The following RBFOX1 variants were observed in gnomAD, a reference collection of about 807,000 sequenced individuals.
The protein encoded by RBFOX1 is RNA binding fox-1 homolog 1.
In RBFOX1, 8 loss-of-function variants were observed where a neutral mutation model predicts 57.7. The ratio of observed to expected loss-of-function variants is 0.14; its 90% confidence interval spans 0.08 to 0.25. The LOEUF (loss-of-function observed/expected upper bound fraction) is 0.25. Ranked by LOEUF, RBFOX1 falls within the 10% of genes least tolerant of loss-of-function variation. The probability of loss-of-function intolerance (pLI) is 1.00; values close to 1 mark genes in which losing one functional copy is unlikely to be tolerated. For synonymous variants in RBFOX1, 326 were observed against 222.4 expected (o/e 1.47, Z -4.15); for missense variants, 611 against 548.5 (o/e 1.11, Z -1.14).
At chr16:7,300,899 G>C (rs2096014318) in intron 4 of RBFOX1, among the ~76,000 whole-genome samples, 1 of 152,180 alleles carries the variant, frequency 6.6e-6, no homozygotes, top group Non-Finnish European at 1.5e-5. Context: ...AAGGGTCCTT[G>C]TAGCTGAAAT....
chr16:6,625,157 TA>T (rs34634402), intron 2 of RBFOX1, among the ~76,000 whole-genome samples: 1,542 of 56,216 alleles, frequency 0.027, 20 homozygotes, highest in African/African-American at 0.087. Context: ...CAACCCTATC[TA>T]AAAAAAAAAA....
rs141928780 is a variant in RBFOX1 at position 5,947,614 on chromosome 16, T to G, written c.351+80279T>G. Among the ~76,000 whole-genome samples, 283 of 152,336 alleles carry G rather than the reference T, an allele frequency of 1.9e-3. 2 individuals carry two copies. The highest frequency in any genetic ancestry group is 3.3e-3 in the Admixed American group (50 of 15,296). The stretch of plus-strand genomic sequence containing the variant: ...CTGGGATTACATGCATGATCCACCA[T>G]GTCTTGACCCTTCGATTTTAGGTAT... On this transcript the variant is annotated intron_variant, in intron 4 of 19. Coordinates refer to the RBFOX1 transcript ENST00000641259. This position sits in a 1 kb window ranked among gnomAD's most constrained non-coding sequence, Gnocchi z 7.2.
chr16:7,062,074 T>C (rs551214177), intron 4 of RBFOX1, among the ~76,000 whole-genome samples: 1 of 151,764 alleles, frequency 6.6e-6, no homozygotes, highest in East Asian at 2.0e-4. Context: ...TCCCAGCACT[T>C]TGGGAGGCTG....
chr16:7,452,293 G>A (rs537516874), intron 4 of RBFOX1, among the ~76,000 whole-genome samples: 164 of 152,312 alleles, frequency 1.1e-3, no homozygotes, highest in Non-Finnish European at 1.8e-3. Flanking sequence ...CAATTTCCAT[G>A]AAAAATACAT....
At chr16:5,246,156 C>G (rs1160008249) in intron 1 of RBFOX1, among the ~76,000 whole-genome samples, 2 of 151,776 alleles carry the variant, frequency 1.3e-5, no homozygotes, top group South Asian at 4.1e-4. Flanking sequence ...GCAGGAGAAT[C>G]ATTTGAACCT....
chr16:5,247,590 G>T (rs2062334464), intron 1 of RBFOX1, among the ~76,000 whole-genome samples: 2 of 152,192 alleles, frequency 1.3e-5, no homozygotes, highest in African/African-American at 2.4e-5. Context: ...ACAGCCCCCT[G>T]CCTGTTCATA....
chr16:6,982,908 A>C (rs1332185449), intron 3 of RBFOX1, among the ~76,000 whole-genome samples: 1 of 150,092 alleles, frequency 6.7e-6, no homozygotes, highest in Non-Finnish European at 1.5e-5. Flanking sequence ...CAGGGAGAAC[A>C]ACTTGAACCC....
In RBFOX1 at chr16:6,944,591, C is replaced by G. The variant is rs186843537; in HGVS notation, c.-15-107466C>G. Among the ~76,000 whole-genome samples, 37 of 152,058 alleles carry G rather than the reference C, an allele frequency of 2.4e-4. 1 individual carries two copies. The highest frequency in any genetic ancestry group is 8.9e-4 in the African/African-American group (37 of 41,480). ...ATGTGTACATTAAGAGACTGGGTCT[C>G]GTAGATCTCAGGTGGAATCTTCAGC... On this transcript the variant is annotated intron_variant, in intron 3 of 15. Coordinates refer to ENST00000550418, the MANE Select transcript of RBFOX1 (RefSeq NM_018723.4).
intron 4 of RBFOX1, among the ~76,000 whole-genome samples, chr16:5,980,490 C>T (rs990520407): frequency 1.3e-5 from 2 of 152,154 alleles, no homozygotes; most frequent in African/African-American, 2.4e-5. Flanking sequence ...GACCTGAGAG[C>T]TGTTCACAGT....
chr16:6,490,746 G>C (rs528528152), intron 2 of RBFOX1, among the ~76,000 whole-genome samples: 1 of 152,302 alleles, frequency 6.6e-6, no homozygotes, highest in African/African-American at 2.4e-5. Flanking sequence ...TCCCAGCCTG[G>C]AGACAGTTTA....
At chr16:6,555,337 A>AT (rs2097078644) in intron 2 of RBFOX1, among the ~76,000 whole-genome samples, 1 of 152,128 alleles carries the variant, frequency 6.6e-6, no homozygotes, top group Non-Finnish European at 1.5e-5. Flanking sequence ...TGTTATGGTA[A>AT]TGCGAAAGCT....
chr16:6,762,907 AG>A (rs1168121038), intron 3 of RBFOX1, among the ~76,000 whole-genome samples: 1 of 152,188 alleles, frequency 6.6e-6, no homozygotes, highest in Non-Finnish European at 1.5e-5. Flanking sequence ...AGAATTTCAG[AG>A]AAAGGTAGCA....
intron 1 of RBFOX1, among the ~76,000 whole-genome samples, chr16:5,319,218 A>C (rs963963562): frequency 6.6e-6 from 1 of 152,230 alleles, no homozygotes; most frequent in African/African-American, 2.4e-5. Context: ...AAGCATAAGT[A>C]CTTGACCCAC....
At chr16:6,962,988 A>C (rs1359130482) in intron 3 of RBFOX1, among the ~76,000 whole-genome samples, 2 of 152,172 alleles carry the variant, frequency 1.3e-5, no homozygotes, top group African/African-American at 4.8e-5. Flanking sequence ...GGAGAAAAAG[A>C]ATGCTGACTC....
At chr16:5,962,354 A>G (rs1361681679) in intron 4 of RBFOX1, among the ~76,000 whole-genome samples, 2 of 152,166 alleles carry the variant, frequency 1.3e-5, no homozygotes, top group East Asian at 1.9e-4. Context: ...TCTTTGAACT[A>G]TGCTTTGTCA....
At chr16:7,303,143 G>A (rs542005337) in intron 4 of RBFOX1, among the ~76,000 whole-genome samples, 1 of 152,330 alleles carries the variant, frequency 6.6e-6, no homozygotes, top group East Asian at 1.9e-4. Context: ...CGCCAGCCTG[G>A]GCGGTTGCTC....
chr16:7,373,282 C>G (rs2097606944), intron 4 of RBFOX1, among the ~76,000 whole-genome samples: 1 of 152,070 alleles, frequency 6.6e-6, no homozygotes, highest in South Asian at 2.1e-4. Flanking sequence ...TTGCACCAAC[C>G]TAAGGAACAT....
At chr16:5,934,790 G>C (rs1426872976) in intron 4 of RBFOX1, among the ~76,000 whole-genome samples, 3 of 152,178 alleles carry the variant, frequency 2.0e-5, no homozygotes, top group Admixed American at 2.0e-4. Context: ...CTGCACGATG[G>C]ATGAATAACA....
chr16:6,429,311 C>G (rs1241823657), intron 2 of RBFOX1, among the ~76,000 whole-genome samples: 1 of 152,244 alleles, frequency 6.6e-6, no homozygotes, highest in Non-Finnish European at 1.5e-5. Flanking sequence ...TCTTTGCCAG[C>G]TCCCCACCAC....
Sources: gnomAD v4.1 joint callset for allele counts (sites outside exome capture counted in the v4.1 genomes callset) on GRCh38, gnomAD v4.1.1 for gene constraint, Gnocchi (gnomAD v3.1) non-coding constraint, MANE v1.5 for transcripts, NCBI Gene and HGNC (gene_info 2026-07-23, HGNC 2026-07-21) for gene names.